The following EGF variants were observed in gnomAD, a reference collection of about 807,000 sequenced individuals.
EGF encodes epidermal growth factor, also known as pro-epidermal growth factor.
EGF carries 95 observed loss-of-function variants against 143.8 expected under a neutral mutation model. The ratio of observed to expected loss-of-function variants is 0.66; its 90% CI spans 0.56 to 0.78. The LOEUF is 0.78. Among genes scored for constraint, EGF ranks in the 30% least tolerant of loss-of-function variants. The probability of loss-of-function intolerance (pLI) is 0.00; values close to 1 mark genes in which losing one functional copy is unlikely to be tolerated. For synonymous variants in EGF, 510 were observed against 510.5 expected (o/e 1.00, Z 0.01); for missense variants, 1,320 against 1,470.9 (o/e 0.90, Z 1.68).
At chr4:109,977,965 A>G (rs948470837) in intron 13 of EGF, among the ~76,000 whole-genome samples, 2 of 152,268 alleles carry the variant, frequency 1.3e-5, no homozygotes, top group Non-Finnish European at 2.9e-5. Context: ...TAAACTAAAA[A>G]GCATAGCAGA....
At chr4:109,989,916 C>A (rs1578360012) in intron 18 of EGF, among the ~76,000 whole-genome samples, 1 of 152,202 alleles carries the variant, frequency 6.6e-6, no homozygotes, top group Middle Eastern at 3.4e-3. Flanking sequence ...TCTCCCCCAG[C>A]TCACTCTTAC....
Position 109,972,484 on chromosome 4 carries a change from C to T in EGF, c.1725-2219C>T, listed in dbSNP as rs193077248. Reference sequence around the variant, plus strand: ...ATCATGAGATCAGAAGTGACAGTTTCATCTCCCCTGGTCACAAGCAAGTGG... The same window carrying T: ...ATCATGAGATCAGAAGTGACAGTTTTATCTCCCCTGGTCACAAGCAAGTGG... On this transcript the variant is annotated intron_variant, in intron 11 of 23. Coordinates refer to ENST00000265171, the MANE Select transcript of EGF (RefSeq NM_001963.6). 1.3e-3 allele frequency among the ~76,000 whole-genome samples: 204 copies of T among 152,238 alleles called. 1 individual carries two copies. Among genetic ancestry groups the T allele is most frequent in the South Asian group, 0.012 (60 of 4,810 alleles).
Position 109,975,982 on chromosome 4 carries a change from A to G in EGF, c.1830-30A>G, listed in dbSNP as rs368707167. The stretch of plus-strand genomic sequence containing the variant: ...ACAGAATAATTTATTTCATGCAGAT[A>G]TTATTTGTTGTGTGCTTTCTTGATT... On this transcript the variant is annotated intron_variant, in intron 12 of 23. Transcript: ENST00000265171. The G allele has an allele frequency of 6.9e-6, 11 of 1,584,972 alleles. No homozygotes were observed. The African/African-American group carries it at 1.3e-4, about 19-fold the overall frequency.
chr4:110,004,699 A>T, intron 22 of EGF, 77 bp downstream of exon 22: 1 of 1,134,006 alleles, frequency 8.8e-7, no homozygotes, highest in South Asian at 1.2e-5. Flanking sequence ...TTTTTCACTG[A>T]GTTCAGAATG....
At chr4:110,000,237 C>T (rs1039816310) in intron 21 of EGF, among the ~76,000 whole-genome samples, 4 of 130,788 alleles carry the variant, frequency 3.1e-5, no homozygotes, top group South Asian at 2.4e-4. Flanking sequence ...GGCGATAGAG[C>T]GAGACTCCGT....
intron 21 of EGF, chr4:110,004,272 C>A: frequency 1.9e-6 from 1 of 527,916 alleles, no homozygotes; most frequent in East Asian, 3.9e-5. Flanking sequence ...ACACCCTCTA[C>A]CTCACAGAAC....
chr4:109,938,199 G>T (rs533247779), intron 1 of EGF, among the ~76,000 whole-genome samples: 3 of 152,078 alleles, frequency 2.0e-5, no homozygotes, highest in Non-Finnish European at 4.4e-5. Context: ...TTTCTTTGAG[G>T]CTTTGTTTGT....
At chr4:109,928,352 G>C (rs6823529) in intron 1 of EGF, among the ~76,000 whole-genome samples, 19,751 of 152,130 alleles carry the variant, frequency 0.13, 1,884 homozygotes, top group African/African-American at 0.26. Flanking sequence ...GTCACAGAAA[G>C]TTTTTCAAAG....
chr4:109,959,213 G>T, intron 5 of EGF, 99 bp from the exon 6 acceptor site: 1 of 1,567,820 alleles, frequency 6.4e-7, no homozygotes, highest in Non-Finnish European at 8.7e-7. Context: ...AGCTGTAGAC[G>T]TTGTAGGGAG....
intron 1 of EGF, among the ~76,000 whole-genome samples, chr4:109,922,805 G>T (rs1396083340): frequency 1.3e-5 from 2 of 151,604 alleles, no homozygotes; most frequent in African/African-American, 4.9e-5. Context: ...CTACCTCTTA[G>T]ATTGCTATGA....
chr4:110,002,666 T>A (rs1752720630), intron 21 of EGF, among the ~76,000 whole-genome samples: 2 of 152,046 alleles, frequency 1.3e-5, no homozygotes, highest in South Asian at 2.1e-4. Flanking sequence ...GGTTTTTTTT[T>A]AACTTTTATT....
At position 109,964,463 on chromosome 4, in the gene EGF, A is replaced by G. The variant is rs191381852; in HGVS notation, c.1501A>G (p.Thr501Ala). ...TATTCGACACATGCATTTTGATGGA[A>G]CAGACTATGGAACTCTGCTCAGCCA... is the stretch of plus-strand genomic sequence containing the variant. ...QDIRHMHFDGTDYGTLLSQQM... is the reference protein window; with the variant it reads ...QDIRHMHFDGADYGTLLSQQM... Residue 501 changes from threonine (T) to alanine (A), a missense_variant, in exon 10 of 24, where the codon ACA becomes GCA. By Grantham distance (58) the Thr-to-Ala change is moderately conservative (BLOSUM62 0). Around this residue, in one of 5 missense-constraint regions of EGF, gnomAD observed 1,186 missense variants for 1,313.7 expected, o/e 0.90. Coordinates refer to ENST00000265171, the MANE Select transcript of EGF (RefSeq NM_001963.6). The G allele has an allele frequency of 4.8e-5, 77 of 1,614,028 alleles. No individual in the cohort carries two copies. In the East Asian group the frequency reaches 1.4e-3, roughly 30 times the overall value.
intron 5 of EGF, among the ~76,000 whole-genome samples, chr4:109,953,594 T>C (rs977869230): frequency 6.6e-6 from 1 of 152,254 alleles, no homozygotes; most frequent in Admixed American, 6.5e-5. Context: ...CTCTATAAAG[T>C]CATGGATTTT....
chr4:109,981,557 A>G (rs540539111), intron 15 of EGF, among the ~76,000 whole-genome samples: 1 of 152,320 alleles, frequency 6.6e-6, no homozygotes, highest in South Asian at 2.1e-4. Flanking sequence ...CACCCAAACA[A>G]TCTGGGCATC....
In EGF at chr4:109,987,736, A is replaced by C; in HGVS notation, c.2492-8A>C. Reference sequence around the variant, plus strand: ...GAAATAACTGCACGGGATTCTTGCTATTTGTAGATCAAGATGACTGTGCTC... The same window carrying C: ...GAAATAACTGCACGGGATTCTTGCTCTTTGTAGATCAAGATGACTGTGCTC... On this transcript the variant is annotated splice_region_variant and splice_polypyrimidine_tract_variant and intron_variant, in intron 16 of 23. Transcript: ENST00000265171. The C allele has an allele frequency of 6.2e-7, 1 of 1,603,792 alleles. No individual in the cohort carries two copies. The highest frequency in any genetic ancestry group is 8.5e-7 in the Non-Finnish European group (1 of 1,170,732).
At chr4:109,935,487 T>C (rs1740606111) in intron 1 of EGF, among the ~76,000 whole-genome samples, 1 of 152,242 alleles carries the variant, frequency 6.6e-6, no homozygotes, top group East Asian at 1.9e-4. Flanking sequence ...TATACAATCA[T>C]GTCATCTGCA....
intron 20 of EGF, 121 bp from the exon 21 acceptor site, chr4:109,999,558 T>A (rs1214665143): frequency 7.8e-7 from 1 of 1,282,328 alleles, no homozygotes; most frequent in Non-Finnish European, 1.1e-6. Flanking sequence ...ATTTTCTATA[T>A]GTTTCTAAAG....
chr4:109,964,086 A>T lies in EGF; in HGVS notation c.1439-315A>T, dbSNP rs3764861. On this transcript the variant is annotated intron_variant, in intron 9 of 23. Coordinates refer to ENST00000265171, the MANE Select transcript of EGF (RefSeq NM_001963.6). ...GTTTCAGTATGTGTGAATCAAGAAG[A>T]TGTATAACCCTAAGACTTGCATCAT... Among the ~76,000 whole-genome samples, 55,998 of 152,038 alleles carry T rather than the reference A, an allele frequency of 0.37. 10,625 individuals carry two copies. The highest frequency in any genetic ancestry group is 0.45 in the African/African-American group (18,685 of 41,488).
intron 1 of EGF, among the ~76,000 whole-genome samples, chr4:109,914,842 T>C (rs145677459): frequency 2.9e-4 from 44 of 152,270 alleles, no homozygotes; most frequent in African/African-American, 1.0e-3. Context: ...TGGACTGGAC[T>C]CTCTTTGGGG....
Sources: gnomAD v4.1 joint callset for allele counts (sites outside exome capture counted in the v4.1 genomes callset) on GRCh38, gnomAD v4.1.1 for gene constraint, gnomAD v4.1.1 regional missense constraint, MANE v1.5 for transcripts, NCBI Gene and HGNC (gene_info 2026-07-23, HGNC 2026-07-21) for gene names.